Variants in CACNB4 observed in about 807,000 individuals in gnomAD.
CACNB4 encodes the protein calcium voltage-gated channel auxiliary subunit beta 4.
CACNB4 carries 32 observed loss-of-function variants against 71.2 expected under a neutral mutation model. The observed-to-expected ratio is 0.45, with a 90% CI of 0.34 to 0.60. The LOEUF is 0.60. CACNB4 is among the 20% of genes least tolerant of loss of function. CACNB4 has a pLI of 0.01. For synonymous variants in CACNB4, 231 were observed against 236.9 expected (o/e 0.97, Z 0.23); for missense variants, 464 against 647.9 (o/e 0.72, Z 3.08).
At chr2:151,854,059 T>G (rs1394405570) in intron 11 of CACNB4, 1 of 153,478 alleles carries the variant, frequency 6.5e-6, no homozygotes, top group Non-Finnish European at 1.4e-5. Flanking sequence ...TTGCTACATG[T>G]AAACCAGTGA....
chr2:151,974,776 G>C (rs886439787), intron 2 of CACNB4, among the ~76,000 whole-genome samples: 1 of 146,708 alleles, frequency 6.8e-6, no homozygotes, highest in Non-Finnish European at 1.5e-5. Context: ...CAGCAGCCTG[G>C]GATGAGTTTC....
rs1248903947 is a variant in CACNB4, at chr2:151,838,448, T to A, written c.*671A>T. 3 of 152,610 alleles carry A rather than the reference T, an allele frequency of 2.0e-5. No homozygotes were observed. The highest frequency in any genetic ancestry group is 4.4e-5 in the Non-Finnish European group (3 of 68,024). The allele number at this position is 152,610 out of a possible 1,614,324, so 9.5% of individuals were successfully genotyped here. A position where few individuals can be genotyped will look rare whatever the true frequency, so the allele number is the denominator to read the frequency against. ...CTGTGCCAGGAAAGAAATAAAAATA[T>A]TAAAATCTGAGGAGACTATATAATT... is the stretch of plus-strand genomic sequence containing the variant. On this transcript the variant is annotated 3_prime_UTR_variant, in exon 14 of 14. Transcript: ENST00000539935.
chr2:151,866,132 C>T (rs1418545618), intron 9 of CACNB4: 1 of 152,158 alleles, frequency 6.6e-6, no homozygotes, highest in African/African-American at 2.4e-5. Context: ...CCCACAATAG[C>T]AGCTACAGCA....
intron 2 of CACNB4, among the ~76,000 whole-genome samples, chr2:152,060,245 T>C (rs1053287627): frequency 5.9e-5 from 9 of 152,354 alleles, no homozygotes; most frequent in Admixed American, 3.9e-4. Flanking sequence ...TTATAGCCTT[T>C]GGTGTGTAGT....
At chr2:151,890,138 G>A (rs545092953) in intron 2 of CACNB4, among the ~76,000 whole-genome samples, 7 of 152,022 alleles carry the variant, frequency 4.6e-5, no homozygotes, top group South Asian at 2.1e-4. Flanking sequence ...TTATATCGCC[G>A]AGATAACTTT....
intron 13 of CACNB4, among the ~76,000 whole-genome samples, chr2:151,841,463 C>T (rs890893229): frequency 1.3e-5 from 2 of 151,692 alleles, no homozygotes; most frequent in African/African-American, 4.9e-5. Context: ...GCCTGTAGTC[C>T]CAGCTATTTG....
intron 2 of CACNB4, among the ~76,000 whole-genome samples, chr2:151,991,358 C>T (rs557893461): frequency 6.6e-6 from 1 of 152,332 alleles, no homozygotes. Flanking sequence ...AACCAGTTTT[C>T]CCAGAAGCTG....
chr2:151,860,774 A>G lies in CACNB4; in HGVS notation c.805T>C (p.Ser269Pro). The part of the protein sequence containing the change: ...VTADISLAKR[S>P]VLNNPSKRAI... Reference sequence around the variant, plus strand: ...CTCTTGCTGGGATTATTTAGGACAGACCTCTTAGCAAGAGAAATGTCAGCT... The same window carrying G: ...CTCTTGCTGGGATTATTTAGGACAGGCCTCTTAGCAAGAGAAATGTCAGCT... Residue 269 changes from serine (S) to proline (P), a missense_variant, in exon 10 of 14, where the codon TCT becomes CCT. Transcript: ENST00000539935. 1.2e-6 allele frequency: 2 copies of G among 1,613,700 alleles called. No individual in the cohort carries two copies.
chr2:151,849,211 T>C (rs1009699587), intron 12 of CACNB4, among the ~76,000 whole-genome samples: 1 of 152,192 alleles, frequency 6.6e-6, no homozygotes, highest in Non-Finnish European at 1.5e-5. Context: ...TGACATTCCC[T>C]CATGGAGATG....
chr2:152,010,728 G>A (rs770833115), intron 2 of CACNB4, among the ~76,000 whole-genome samples: 3 of 152,172 alleles, frequency 2.0e-5, no homozygotes, highest in Non-Finnish European at 4.4e-5. Flanking sequence ...GCAAAGCCTG[G>A]GCCCCTTCCA....
At chr2:151,968,710 A>C (rs1306185793) in intron 2 of CACNB4, 1 of 152,200 alleles carries the variant, frequency 6.6e-6, no homozygotes, top group Admixed American at 6.5e-5. Context: ...TGCACCACAG[A>C]ATAATGGAAT....
intron 11 of CACNB4, chr2:151,854,983 T>A: frequency 2.9e-6 from 1 of 343,392 alleles, no homozygotes; most frequent in Non-Finnish European, 5.2e-6. Context: ...GTTTTGTTTC[T>A]ATTATACACT....
intron 2 of CACNB4, among the ~76,000 whole-genome samples, chr2:152,084,717 C>T (rs1051640364): frequency 5.3e-5 from 8 of 152,068 alleles, no homozygotes; most frequent in African/African-American, 1.7e-4. Context: ...TCAAGCAATC[C>T]GCCTGCCTCA....
At chr2:152,015,266 G>A (rs562952420) in intron 2 of CACNB4, among the ~76,000 whole-genome samples, 38 of 152,216 alleles carry the variant, frequency 2.5e-4, no homozygotes, top group Middle Eastern at 3.4e-3. Flanking sequence ...CTGAGTAGCT[G>A]GGATTACAGG....
At chr2:151,890,411 G>C (rs1337577336) in intron 2 of CACNB4, among the ~76,000 whole-genome samples, 1 of 152,158 alleles carries the variant, frequency 6.6e-6, no homozygotes, top group Non-Finnish European at 1.5e-5. Context: ...CTAACTTATA[G>C]ATATTATTAT....
intron 2 of CACNB4, among the ~76,000 whole-genome samples, chr2:152,056,694 G>A (rs1210477175): frequency 1.3e-5 from 2 of 152,112 alleles, no homozygotes; most frequent in African/African-American, 4.8e-5. Flanking sequence ...CTGGAATCAT[G>A]CTGCTCTTTA....
intron 2 of CACNB4, among the ~76,000 whole-genome samples, chr2:151,942,449 T>G (rs1024174745): frequency 8.7e-5 from 13 of 149,132 alleles, no homozygotes; most frequent in Non-Finnish European, 1.9e-4. Flanking sequence ...ACAAATTGAT[T>G]GTAAAACATG....
At chr2:152,096,159 T>C (rs935621581) in intron 2 of CACNB4, among the ~76,000 whole-genome samples, 1 of 152,138 alleles carries the variant, frequency 6.6e-6, no homozygotes, top group Non-Finnish European at 1.5e-5. Context: ...AGATCATGTG[T>C]AGTATACTCA....
At chr2:152,080,889 C>T (rs560023938) in intron 2 of CACNB4, among the ~76,000 whole-genome samples, 1 of 152,160 alleles carries the variant, frequency 6.6e-6, no homozygotes, top group African/African-American at 2.4e-5. Context: ...CCTTCCCCCT[C>T]TTGCTCCCAA....
Sources: gnomAD v4.1 joint callset for allele counts (sites outside exome capture counted in the v4.1 genomes callset) on GRCh38, gnomAD v4.1.1 for gene constraint, MANE v1.5 for transcripts, NCBI Gene and HGNC (gene_info 2026-07-23, HGNC 2026-07-21) for gene names.